The following BACH2 variants were observed in gnomAD, a reference collection of about 807,000 sequenced individuals.
BACH2 encodes the protein transcription regulator protein BACH2.
A neutral mutation model predicts 61.8 loss-of-function variants in BACH2; 5 were observed. The observed-to-expected ratio is 0.08, with a 90% CI of 0.04 to 0.17. BACH2 has a LOEUF of 0.17. Ranked by LOEUF, BACH2 falls within the 10% of genes least tolerant of loss-of-function variation. The pLI is 1.00. For synonymous variants in BACH2, 446 were observed against 440.1 expected, an observed-to-expected ratio of 1.01 and a Z score of -0.17; for missense variants, 824 against 1,091.1, an observed-to-expected ratio of 0.76 and a Z score of 3.45.
At chr6:89,968,185 A>G (rs1266861824) in intron 6 of BACH2, among the ~76,000 whole-genome samples, 1 of 152,266 alleles carries the variant, frequency 6.6e-6, no homozygotes, top group East Asian at 1.9e-4. Context: ...GTGGAATGAA[A>G]GGGCCAGGGG....
intron 4 of BACH2, among the ~76,000 whole-genome samples, chr6:90,189,274 A>G (rs1396845278): frequency 6.6e-6 from 1 of 152,186 alleles, no homozygotes; most frequent in African/African-American, 2.4e-5. Context: ...GAGTAGTAAA[A>G]TGTTGTTTCA....
At position 89,927,845 on chromosome 6, in the gene BACH2, A is replaced by G. The variant is rs1359833221; in HGVS notation, c.*4563T>C. 4 of 152,800 alleles carry G rather than the reference A, an allele frequency of 2.6e-5. No individual in the cohort carries two copies. Among genetic ancestry groups the G allele is most frequent in the African/African-American group, 9.6e-5 (4 of 41,468 alleles). 9.5% of individuals were successfully genotyped at this position (152,800 alleles called of 1,614,324 possible). ...CAATCTGCCACAATGAGACTTTTCT[A>G]TGTACAAATGCTATTTGCACACACT... On this transcript the variant is annotated 3_prime_UTR_variant, in exon 9 of 9. Coordinates refer to ENST00000257749, the MANE Select transcript of BACH2 (RefSeq NM_021813.4).
At chr6:89,961,647 C>T (rs1467903648) in intron 6 of BACH2, among the ~76,000 whole-genome samples, 1 of 152,178 alleles carries the variant, frequency 6.6e-6, no homozygotes, top group African/African-American at 2.4e-5. Context: ...AAGTTTGGCC[C>T]CTCATTAGCA....
intron 4 of BACH2, among the ~76,000 whole-genome samples, chr6:90,205,286 C>T (rs1303462018): frequency 6.6e-6 from 1 of 152,198 alleles, no homozygotes; most frequent in African/African-American, 2.4e-5. Context: ...AACAGGCCCA[C>T]AATAACACAC....
chr6:90,027,188 G>C (rs1778679154), intron 5 of BACH2, among the ~76,000 whole-genome samples: 1 of 152,120 alleles, frequency 6.6e-6, no homozygotes, highest in South Asian at 2.1e-4. Context: ...AATGGAACTG[G>C]AATGTTAACA....
chr6:90,148,093 T>C (rs1169734947), intron 4 of BACH2, among the ~76,000 whole-genome samples: 2 of 152,206 alleles, frequency 1.3e-5, no homozygotes, highest in Admixed American at 1.3e-4. Context: ...CCTCATTGAC[T>C]TAAAGGTGGC....
intron 4 of BACH2, among the ~76,000 whole-genome samples, chr6:90,120,252 CCA>C (rs1582387062): frequency 1.3e-5 from 2 of 150,530 alleles, no homozygotes; most frequent in East Asian, 3.8e-4. Flanking sequence ...ATGATGGTCA[CCA>C]CTCTCATGGG....
chr6:89,975,463 T>C (rs771059803), intron 6 of BACH2, among the ~76,000 whole-genome samples: 23 of 152,206 alleles, frequency 1.5e-4, no homozygotes, highest in Non-Finnish European at 2.4e-4. Flanking sequence ...TTAAAGTCCC[T>C]CAGCTTTCTT....
At chr6:90,113,266 T>C (rs1046192630) in intron 4 of BACH2, among the ~76,000 whole-genome samples, 4 of 152,060 alleles carry the variant, frequency 2.6e-5, no homozygotes, top group African/African-American at 9.7e-5. Context: ...TGATAAACCT[T>C]TACAAACATC....
intron 3 of BACH2, among the ~76,000 whole-genome samples, chr6:90,225,053 T>C (rs1275913756): frequency 2.0e-5 from 3 of 150,978 alleles, no homozygotes; most frequent in Admixed American, 2.0e-4. Context: ...TTCTAGAGGC[T>C]TGAAATACAT....
At chr6:90,092,311 T>TAC (rs1306785664) in intron 4 of BACH2, among the ~76,000 whole-genome samples, 129 of 126,610 alleles carry the variant, frequency 1.0e-3, no homozygotes, top group African/African-American at 4.5e-3. Context: ...TATATATATA[T>TAC]ATATACACAC....
intron 4 of BACH2, among the ~76,000 whole-genome samples, chr6:90,181,696 C>T (rs900346675): frequency 6.6e-6 from 1 of 152,144 alleles, no homozygotes; most frequent in Non-Finnish European, 1.5e-5. Flanking sequence ...ATCCTCTAAC[C>T]TCAGCCTCTT....
At position 89,930,594 on chromosome 6, in the gene BACH2, C is replaced by G. The variant is rs930237331; in HGVS notation, c.*1814G>C. 6.5e-6 allele frequency: 1 copy of G among 152,798 alleles called. No individual in the cohort carries two copies. Among genetic ancestry groups the G allele is most frequent in the African/African-American group, 2.4e-5 (1 of 41,462 alleles). The allele number at this position is 152,798 out of a possible 1,614,324, so 9.5% of individuals were successfully genotyped here. A position where few individuals can be genotyped will look rare whatever the true frequency, so the allele number is the denominator to read the frequency against. ...GGCCACTGGAGCGAGGGAGCTGATT[C>G]CTCCTCCTCTGGGGCACACCTTCCT... On this transcript the variant is annotated 3_prime_UTR_variant, in exon 9 of 9. Coordinates refer to ENST00000257749, the MANE Select transcript of BACH2 (RefSeq NM_021813.4).
At chr6:89,974,335 A>G (rs903041844) in intron 6 of BACH2, among the ~76,000 whole-genome samples, 1 of 152,192 alleles carries the variant, frequency 6.6e-6, no homozygotes, top group African/African-American at 2.4e-5. Flanking sequence ...CAATGAGTTA[A>G]ACACGTAAAG....
intron 1 of BACH2, among the ~76,000 whole-genome samples, chr6:90,293,134 A>G (rs577554212): frequency 7.0e-4 from 107 of 152,360 alleles, no homozygotes; most frequent in Admixed American, 1.2e-3. Context: ...TGAGCAGGGA[A>G]GAGGAAGGGG....
Position 89,932,103 on chromosome 6 carries a change from C to T in BACH2, c.*305G>A, listed in dbSNP as rs903944231. 9 of 240,112 alleles carry T rather than the reference C, an allele frequency of 3.7e-5. No individual in the cohort carries two copies. The highest frequency in any genetic ancestry group is 5.7e-5 in the Non-Finnish European group (7 of 123,440). 14.9% of individuals were successfully genotyped at this position (240,112 alleles called of 1,614,324 possible). A position where few individuals can be genotyped will look rare whatever the true frequency, so the allele number is the denominator to read the frequency against. On this transcript the variant is annotated 3_prime_UTR_variant, in exon 9 of 9. Transcript: ENST00000257749. ...ACATGGGCCACTGAGAAAAAAAATC[C>T]GTGGTTGGGGCCTAGAGGTGTTGTA...
At chr6:90,256,626 GA>G (rs1770987644) in intron 2 of BACH2, among the ~76,000 whole-genome samples, 1 of 152,026 alleles carries the variant, frequency 6.6e-6, no homozygotes, top group Non-Finnish European at 1.5e-5. Flanking sequence ...TTTTTATTTT[GA>G]AAAATAATTT....
At chr6:90,242,722 T>C (rs1770493737) in intron 3 of BACH2, among the ~76,000 whole-genome samples, 1 of 152,026 alleles carries the variant, frequency 6.6e-6, no homozygotes, top group Non-Finnish European at 1.5e-5. Flanking sequence ...TCTACCAAAG[T>C]GTAACTTAAT....
intron 5 of BACH2, among the ~76,000 whole-genome samples, chr6:90,061,599 G>A (rs1306288912): frequency 6.6e-6 from 1 of 152,066 alleles, no homozygotes; most frequent in Non-Finnish European, 1.5e-5. Flanking sequence ...GAGCAGAGGA[G>A]ATAACAAGTG....
Sources: allele counts gnomAD v4.1 joint callset (sites outside exome capture counted in the v4.1 genomes callset), GRCh38; gene constraint gnomAD v4.1.1; transcripts MANE v1.5; gene names NCBI Gene and HGNC (gene_info 2026-07-23, HGNC 2026-07-21).